The following ABCB6 variants were observed in gnomAD, a reference collection of about 807,000 sequenced individuals.
ABCB6 encodes ATP binding cassette subfamily B member 6 (LAN blood group).
ABCB6 carries 87 observed loss-of-function variants against 99.4 expected under a neutral mutation model. The observed-to-expected ratio is 0.88, with a 90% CI of 0.74 to 1.05. The LOEUF (loss-of-function observed/expected upper bound fraction) is 1.05. ABCB6 is among the 50% of genes least tolerant of loss of function. The pLI is 0.00. For synonymous variants in ABCB6, 482 were observed against 447.5 expected (o/e 1.08, Z -0.97); for missense variants, 1,050 against 1,097.9 (o/e 0.96, Z 0.62).
At chr2:219,213,757 G>C (rs1182054045) in intron 9 of ABCB6, 69 bp downstream of exon 9, 2 of 1,613,538 alleles carry the variant, frequency 1.2e-6, no homozygotes, top group Non-Finnish European at 1.7e-6. Context: ...GAAGAGCCTG[G>C]TGACCAGACA....
intron 5 of ABCB6, 166 bp downstream of exon 5, chr2:219,215,831 T>A: frequency 1.5e-6 from 1 of 650,978 alleles, no homozygotes. Context: ...CTGCCCGCAT[T>A]ACCTAAGTTA....
chr2:219,218,767 T>C lies in ABCB6; in HGVS notation c.-94A>G, dbSNP rs1225128496. 7 of 1,360,950 alleles carry C rather than the reference T, an allele frequency of 5.1e-6. No homozygotes were observed. In the East Asian group the frequency reaches 1.8e-4, roughly 36 times the overall value. The allele number at this position is 1,360,950 out of a possible 1,614,324, so 84.3% of individuals were successfully genotyped here. A position where few individuals can be genotyped will look rare whatever the true frequency, so the allele number is the denominator to read the frequency against. ...GAGGGGCGCGGACATCCGGGTGCCT[T>C]GGCTCACGTAGCCGCTGGGCGCCAA... On this transcript the variant is annotated 5_prime_UTR_variant, in exon 1 of 19. Transcript: ENST00000265316.
chr2:219,212,978 TCTGGGCCAAGTGG>T lies in ABCB6; in HGVS notation c.1863+17_1863+29del. ...CACTGAATGAGGGAAGCTTGAGGCATCTGGGCCAAGTGGCTGGGTCTCCTCTCACCAGGGCAAG... is the reference window on the plus strand; with the variant it reads ...CACTGAATGAGGGAAGCTTGAGGCATCTGGGTCTCCTCTCACCAGGGCAAG... On this transcript the variant is annotated intron_variant, in intron 13 of 18. Coordinates refer to ENST00000265316, the MANE Select transcript of ABCB6 (RefSeq NM_005689.4). The T allele has an allele frequency of 6.2e-7, 1 of 1,612,744 alleles. No individual in the cohort carries two copies. Among genetic ancestry groups the T allele is most frequent in the Non-Finnish European group, 8.5e-7 (1 of 1,179,170 alleles).
rs2139823 is a variant in ABCB6, at chr2:219,213,774, T to C, written c.1578+52A>G. 1,605,789 of 1,613,712 alleles carry C rather than the reference T, an allele frequency of 1. 799,233 individuals carry two copies. The highest frequency in any genetic ancestry group is 1 in the East Asian group (44,870 of 44,870). On this transcript the variant is annotated intron_variant, in intron 9 of 18. Coordinates refer to ENST00000265316, the MANE Select transcript of ABCB6 (RefSeq NM_005689.4). ...AGAGCCTGGTGACCAGACACAGGCC[T>C]CAGGCCCCCTTTTCCTTGTGCCCCA...
At position 219,210,829 on chromosome 2, in the gene ABCB6, G is replaced by A. The variant is rs369378299; in HGVS notation, c.2144-6C>T. The A allele has an allele frequency of 6.2e-7, 1 of 1,613,892 alleles. No individual in the cohort carries two copies. Among genetic ancestry groups the A allele is most frequent in the East Asian group, 2.2e-5 (1 of 44,880 alleles). On this transcript the variant is annotated splice_region_variant and splice_polypyrimidine_tract_variant and intron_variant, in intron 15 of 18. Coordinates refer to ENST00000265316, the MANE Select transcript of ABCB6 (RefSeq NM_005689.4). ...GCCCACCTGTGTCCTGTACCCTGTG[G>A]ATATTACCCACCACACGTTTCTTAC...
At position 219,216,802 on chromosome 2, in the gene ABCB6, G is replaced by A. The variant is rs766607263; in HGVS notation, c.718C>T (p.Arg240Ter). The change falls in exon 3 of 19, where the codon CGA becomes TGA. Residue 240 changes from arginine (R) to a stop codon, truncating the protein, a stop_gained. Transcript: ENST00000265316. LOFTEE classifies it high-confidence loss of function. This position sits in a 1 kb window ranked among gnomAD's most constrained non-coding sequence, Gnocchi z 4.2. ...AGGCGGAGCTTCCTGCCAAAATCTC[G>A]CCAGGTAGACTGTTGGGCTGCTGAC... ...VRSAAQQSTW[R>*]DFGRKLRLLS... 48 of 1,612,784 alleles carry A rather than the reference G, an allele frequency of 3.0e-5. No homozygotes were observed. Among genetic ancestry groups the A allele is most frequent in the Admixed American group, 5.0e-5 (3 of 59,922 alleles).
In ABCB6 at chr2:219,218,483, C is replaced by A. The variant is rs771247081; in HGVS notation, c.191G>T (p.Trp64Leu). Reference sequence around the variant, plus strand: ...GGGAGAGATGCGAGGGCCGGCCCCCCAAGACAGCGAATCAGCACCAGCGGG... The same window carrying A: ...GGGAGAGATGCGAGGGCCGGCCCCCAAAGACAGCGAATCAGCACCAGCGGG... ...ERPAGADSLS[W>L]GAGPRISPYV... The change falls in exon 1 of 19, where the codon TGG (tryptophan) becomes TTG (leucine). Residue 64 changes from tryptophan to leucine, a missense_variant. By Grantham distance (61) the Trp-to-Leu change is moderately conservative. Coordinates refer to ENST00000265316, the MANE Select transcript of ABCB6 (RefSeq NM_005689.4). 3 of 1,608,164 alleles carry A rather than the reference C, an allele frequency of 1.9e-6. No homozygotes were observed. In the South Asian group the frequency reaches 3.3e-5, roughly 18 times the overall value.
chr2:219,212,938 A>C, intron 13 of ABCB6, 70 bp downstream of exon 13: 1 of 1,542,092 alleles, frequency 6.5e-7, no homozygotes, highest in Non-Finnish European at 8.9e-7. Flanking sequence ...AGCCTGGGTC[A>C]CAAGCTACCA....
rs1004119780 is a variant in ABCB6 at position 219,210,015 on chromosome 2, A to G, written c.2452T>C (p.Tyr818His). The G allele has an allele frequency of 1.3e-5, 21 of 1,613,928 alleles. No homozygotes were observed. Among genetic ancestry groups the G allele is most frequent in the Non-Finnish European group, 1.8e-5 (21 of 1,180,004 alleles). Residue 818 changes from tyrosine to histidine, a missense_variant, in exon 19 of 19, where the codon TAT becomes CAT. Coordinates refer to ENST00000265316, the MANE Select transcript of ABCB6 (RefSeq NM_005689.4). The part of the protein sequence containing the change: ...HEALLSRGGV[Y>H]ADMWQLQQGQ... ...TGCTGCAGCTGCCACATGTCAGCATACACCCCACCTCGGGACAACAGAGCC... is the reference window on the plus strand; with the variant it reads ...TGCTGCAGCTGCCACATGTCAGCATGCACCCCACCTCGGGACAACAGAGCC...
chr2:219,217,783 G>A lies in ABCB6; in HGVS notation c.574C>T (p.Arg192Trp), dbSNP rs149202834. The A allele has an allele frequency of 1.8e-3, 2,956 of 1,613,266 alleles. 9 individuals are homozygous for A. The highest frequency in any genetic ancestry group is 2.3e-3 in the Non-Finnish European group (2,672 of 1,179,798). The change falls in exon 2 of 19, where the codon CGG becomes TGG. Residue 192 changes from arginine to tryptophan, a missense_variant. By Grantham distance (101) the Arg-to-Trp change is moderately radical. Coordinates refer to ENST00000265316, the MANE Select transcript of ABCB6 (RefSeq NM_005689.4). Reference protein sequence around the residue: ...QQVQFSLWVLRYVVSGGLFVL... With the variant: ...QQVQFSLWVLWYVVSGGLFVL... ...AACAGCCCTCCAGAGACCACATACC[G>A]CAGCACCCACAGGCTAAACTGAACC...
Position 219,214,988 on chromosome 2 carries a change from C to A in ABCB6, c.1249G>T (p.Val417Leu), listed in dbSNP as rs1464797849. 1 of 1,614,122 alleles carries A rather than the reference C, an allele frequency of 6.2e-7. No homozygotes were observed. Among genetic ancestry groups the A allele is most frequent in the Non-Finnish European group, 8.5e-7 (1 of 1,180,012 alleles). ...AGGTAAAGACTCATGCACAGGAACA[C>A]AATGAGGCCAAACCAGGCGTTGAAG... ...MFFNAWFGLIVFLCMSLYLTL... is the reference protein window; with the variant it reads ...MFFNAWFGLILFLCMSLYLTL... Residue 417 changes from valine (V) to leucine (L), a missense_variant, in exon 6 of 19, where the codon GTG (valine) becomes TTG (leucine). Coordinates refer to ENST00000265316, the MANE Select transcript of ABCB6 (RefSeq NM_005689.4).
Position 219,213,194 on chromosome 2 carries a change from G to A in ABCB6, c.1805+47C>T, listed in dbSNP as rs370348853. On this transcript the variant is annotated intron_variant, in intron 12 of 18. Transcript: ENST00000265316. ...CAGAGCACTGAGAAGCAGGAAGGCA[G>A]TGTGCAAATGAACGGAAAAGCAAAG... The A allele has an allele frequency of 3.1e-6, 5 of 1,608,582 alleles. No individual in the cohort carries two copies. In the African/African-American group the frequency reaches 5.3e-5, roughly 17 times the overall value.
chr2:219,212,319 A>ACAGC, intron 14 of ABCB6, 68 bp downstream of exon 14: 2 of 1,376,758 alleles, frequency 1.5e-6, no homozygotes, highest in East Asian at 4.6e-5. Flanking sequence ...CTCTCTCTGG[A>ACAGC]CAGCCAGCCC....
intron 6 of ABCB6, 118 bp downstream of exon 6, chr2:219,214,843 C>T: frequency 1.6e-6 from 2 of 1,217,402 alleles, no homozygotes; most frequent in Non-Finnish European, 2.3e-6. Context: ...ACTAGGAGCC[C>T]ATTCAAGTCC....
intron 6 of ABCB6, 90 bp downstream of exon 6, chr2:219,214,871 C>T (rs191860095): frequency 6.6e-7 from 1 of 1,517,958 alleles, no homozygotes; most frequent in East Asian, 2.3e-5. Context: ...CACAGCCTCC[C>T]ATAGGTGGGT....
chr2:219,213,893 A>G lies in ABCB6; in HGVS notation c.1511T>C (p.Val504Ala), dbSNP rs763768429. 6.8e-6 allele frequency: 11 copies of G among 1,614,002 alleles called. No individual in the cohort carries two copies. Among genetic ancestry groups the G allele is most frequent in the South Asian group, 4.4e-5 (4 of 91,092 alleles). ...LVLLNQTQNL[V>A]IGLGLLAGSL... ...GCCGGCGAGGAGCCCGAGCCCAATCACCAGGTTCTGGGTCTGATTTAGTAA... is the reference window on the plus strand; with the variant it reads ...GCCGGCGAGGAGCCCGAGCCCAATCGCCAGGTTCTGGGTCTGATTTAGTAA... Residue 504 changes from valine to alanine, a missense_variant, in exon 9 of 19, where the codon GTG becomes GCG. Coordinates refer to ENST00000265316, the MANE Select transcript of ABCB6 (RefSeq NM_005689.4).
Position 219,209,994 on chromosome 2 carries a change from G to T in ABCB6, c.2473C>A (p.Gln825Lys). ...TCAGAGGTTTCTTCCTGTCCCTGCT[G>T]CAGCTGCCACATGTCAGCATACACC... ...GGVYADMWQL[Q>K]QGQEETSEDT... Residue 825 changes from glutamine (Q) to lysine (K), a missense_variant, in exon 19 of 19, where the codon CAG becomes AAG. Coordinates refer to ENST00000265316, the MANE Select transcript of ABCB6 (RefSeq NM_005689.4). The T allele has an allele frequency of 8.1e-6, 13 of 1,614,126 alleles. No homozygotes were observed. Among genetic ancestry groups the T allele is most frequent in the Non-Finnish European group, 1.1e-5 (13 of 1,180,026 alleles).
intron 6 of ABCB6, 130 bp downstream of exon 6, chr2:219,214,831 G>T (rs1950620340): frequency 9.4e-7 from 1 of 1,060,850 alleles, no homozygotes; most frequent in Non-Finnish European, 1.4e-6. Flanking sequence ...CACATGACGA[G>T]CACTAGGAGC....
rs1012719051 is a variant in ABCB6, at chr2:219,216,270, G to A, written c.971-90C>T. 1 of 1,583,370 alleles carries A rather than the reference G, an allele frequency of 6.3e-7. No homozygotes were observed. The highest frequency in any genetic ancestry group is 1.3e-5 in the African/African-American group (1 of 74,248). ...GATGTGAAAGGTCTGAGAGTACATG[G>A]GGGCTGGGGAGGAATGCTGGGAGAG... On this transcript the variant is annotated intron_variant, in intron 4 of 18. Coordinates refer to ENST00000265316, the MANE Select transcript of ABCB6 (RefSeq NM_005689.4). The surrounding 1 kb of genome is among the most constrained non-coding windows in gnomAD (Gnocchi z 4.2).
Sources: gnomAD v4.1 joint callset for allele counts on GRCh38, gnomAD v4.1.1 for gene constraint, Gnocchi (gnomAD v3.1) non-coding constraint, MANE v1.5 for transcripts, NCBI Gene and HGNC (gene_info 2026-07-23, HGNC 2026-07-21) for gene names.